RIMS2: variants seen among roughly 807,000 people sequenced by gnomAD.
The protein encoded by RIMS2 is regulating synaptic membrane exocytosis protein 2.
In RIMS2, 59 loss-of-function variants were observed where a neutral mutation model predicts 174.4. The observed-to-expected ratio is 0.34, with a 90% CI of 0.27 to 0.42. The LOEUF (loss-of-function observed/expected upper bound fraction) is 0.42, where lower values mean the gene tolerates loss of function less well. RIMS2 is among the 10% of genes least tolerant of loss of function. The pLI is 1.00. For synonymous variants in RIMS2, 606 were observed against 572.5 expected (o/e 1.06, Z -0.84); for missense variants, 1,620 against 1,666.3 (o/e 0.97, Z 0.48).
intron 6 of RIMS2, among the ~76,000 whole-genome samples, chr8:103,913,186 G>T (rs1370188886): frequency 6.6e-6 from 1 of 151,158 alleles, no homozygotes; most frequent in Non-Finnish European, 1.5e-5. Context: ...CACCATGTTG[G>T]CCAGGATGAT....
chr8:103,565,429 C>T (rs1393682347), intron 1 of RIMS2, among the ~76,000 whole-genome samples: 1 of 151,964 alleles, frequency 6.6e-6, no homozygotes, highest in Non-Finnish European at 1.5e-5. Context: ...CTCAGCCTTC[C>T]AAGTAGCCAG....
At chr8:103,837,310 G>A (rs1277614202) in intron 3 of RIMS2, among the ~76,000 whole-genome samples, 2 of 152,230 alleles carry the variant, frequency 1.3e-5, no homozygotes, top group Non-Finnish European at 2.9e-5. Flanking sequence ...GTTCTTCGCA[G>A]TTATGCACTG....
At chr8:103,952,069 G>A (rs2085538568) in intron 14 of RIMS2, among the ~76,000 whole-genome samples, 2 of 152,200 alleles carry the variant, frequency 1.3e-5, no homozygotes, top group East Asian at 1.9e-4. Flanking sequence ...TCCTCCCTGG[G>A]AAGGGCATCT....
At chr8:104,092,207 A>ATATC (rs1488099680) in intron 19 of RIMS2, among the ~76,000 whole-genome samples, 32 of 151,836 alleles carry the variant, frequency 2.1e-4, no homozygotes, top group African/African-American at 6.8e-4. Context: ...CAAAATGTTT[A>ATATC]TATCTATCTA....
chr8:103,721,867 A>G (rs1232598409), intron 2 of RIMS2, among the ~76,000 whole-genome samples: 1 of 152,174 alleles, frequency 6.6e-6, no homozygotes, highest in East Asian at 1.9e-4. Flanking sequence ...TGAGAAGAGA[A>G]TAAAAAGATG....
At chr8:103,894,252 G>A (rs1344317431) in intron 4 of RIMS2, among the ~76,000 whole-genome samples, 2 of 151,772 alleles carry the variant, frequency 1.3e-5, no homozygotes, top group Non-Finnish European at 2.9e-5. Context: ...TTTACTTGGT[G>A]TCAAAAGTTA....
At chr8:103,978,288 G>A (rs191575134) in intron 16 of RIMS2, among the ~76,000 whole-genome samples, 1 of 120,416 alleles carries the variant, frequency 8.3e-6, no homozygotes, top group Admixed American at 7.6e-5. Flanking sequence ...ATCATAACAG[G>A]GGCTCAAACA....
intron 19 of RIMS2, among the ~76,000 whole-genome samples, chr8:104,166,948 G>A (rs1281865869): frequency 6.6e-6 from 1 of 152,106 alleles, no homozygotes; most frequent in African/African-American, 2.4e-5. Flanking sequence ...TACTGCACAA[G>A]ACATTATTTC....
chr8:103,697,263 T>C, exon 2 of RIMS2: 1 of 1,613,710 alleles, frequency 6.2e-7, no homozygotes, highest in Non-Finnish European at 8.5e-7. Flanking sequence ...TCTGTGCTCG[T>C]TGTGGAGGTC....
intron 4 of RIMS2, among the ~76,000 whole-genome samples, chr8:103,909,598 A>G (rs1200523641): frequency 2.0e-5 from 3 of 152,128 alleles, no homozygotes; most frequent in Non-Finnish European, 4.4e-5. Context: ...TTTTAACGAC[A>G]CAAATTTCTT....
At chr8:103,567,651 G>A (rs2092471747) in intron 1 of RIMS2, among the ~76,000 whole-genome samples, 1 of 152,138 alleles carries the variant, frequency 6.6e-6, no homozygotes, top group African/African-American at 2.4e-5. Flanking sequence ...GTGTAGGTGT[G>A]TATTTTCATT....
chr8:103,565,201 A>G (rs2092188611), intron 1 of RIMS2, among the ~76,000 whole-genome samples: 1 of 152,206 alleles, frequency 6.6e-6, no homozygotes, highest in South Asian at 2.1e-4. Context: ...TGCAGTTTAT[A>G]AAAGCTGCCG....
intron 19 of RIMS2, among the ~76,000 whole-genome samples, chr8:104,069,786 C>T (rs1008115282): frequency 3.3e-5 from 5 of 152,032 alleles, no homozygotes; most frequent in Admixed American, 2.6e-4. Flanking sequence ...TCTTGTACTC[C>T]ATTACCTTTT....
chr8:103,875,711 A>G (rs2099133075), intron 3 of RIMS2, among the ~76,000 whole-genome samples: 1 of 152,016 alleles, frequency 6.6e-6, no homozygotes, highest in South Asian at 2.1e-4. Flanking sequence ...GGCTGTACTA[A>G]TTTACATTTC....
At chr8:103,698,851 T>C (rs1425031732) in intron 2 of RIMS2, among the ~76,000 whole-genome samples, 1 of 152,230 alleles carries the variant, frequency 6.6e-6, no homozygotes, top group Non-Finnish European at 1.5e-5. Flanking sequence ...TGTAATGTTT[T>C]TCTTTGGTTT....
chr8:103,506,097 A>G (rs1823458414), intron 1 of RIMS2, among the ~76,000 whole-genome samples: 1 of 152,146 alleles, frequency 6.6e-6, no homozygotes, highest in Non-Finnish European at 1.5e-5. Flanking sequence ...TTAAATAAAA[A>G]TTGCATATGT....
In RIMS2 at chr8:103,816,751, A is replaced by G. The variant is rs77628318; in HGVS notation, c.698+50214A>G. On this transcript the variant is annotated intron_variant, in intron 3 of 23. Transcript: ENST00000504942. ...ATGGGTGTAGTATAGTGAGAGCTGG[A>G]AAAATAAGTCTCTGAGGAAGGCAGT... 7.2e-5 allele frequency among the ~76,000 whole-genome samples: 11 copies of G among 152,286 alleles called. No individual in the cohort carries two copies. The East Asian group carries it at 2.1e-3, about 29-fold the overall frequency.
rs112744020 is a variant in RIMS2 at position 103,669,228 on chromosome 8, T to C, written c.177-27858T>C. On this transcript the variant is annotated intron_variant, in intron 1 of 23. Transcript: ENST00000504942. Reference sequence around the variant, plus strand: ...AAACCATCAGATCTCGTGAGACTTATTCATTACCAAGAGAACTGTATAGGG... The same window carrying C: ...AAACCATCAGATCTCGTGAGACTTACTCATTACCAAGAGAACTGTATAGGG... 3.3e-3 allele frequency among the ~76,000 whole-genome samples: 510 copies of C among 152,248 alleles called. 2 individuals carry two copies. The highest frequency in any genetic ancestry group is 0.011 in the African/African-American group (438 of 41,544).
chr8:103,768,784 C>G, intron 3 of RIMS2: 1 of 725,616 alleles, frequency 1.4e-6, no homozygotes, highest in Admixed American at 1.8e-5. Context: ...AGGTAAGAAA[C>G]CTAGGACCAA....
Sources: gnomAD v4.1 joint callset for allele counts (sites outside exome capture counted in the v4.1 genomes callset) on GRCh38, gnomAD v4.1.1 for gene constraint, MANE v1.5 for transcripts, NCBI Gene and HGNC (gene_info 2026-07-23, HGNC 2026-07-21) for gene names.